ERC1: variants seen among roughly 807,000 people sequenced by gnomAD.
ERC1 encodes the protein ELKS/RAB6-interacting/CAST family member 1.
A neutral mutation model predicts 132.0 loss-of-function variants in ERC1; 56 were observed. That is an observed-to-expected ratio of 0.42 (90% CI 0.34 to 0.53). ERC1 has a LOEUF of 0.53. ERC1 is among the 20% of genes least tolerant of loss of function. The pLI is 0.03. For synonymous variants in ERC1, 478 were observed against 476.1 expected (o/e 1.00, Z -0.05); for missense variants, 1,202 against 1,349.9 (o/e 0.89, Z 1.72).
chr12:1,032,763 T>C (rs1254743624), intron 2 of ERC1, among the ~76,000 whole-genome samples: 3 of 152,232 alleles, frequency 2.0e-5, no homozygotes, highest in Non-Finnish European at 1.5e-5. Context: ...CTTTAGTTTT[T>C]AATTTGCATT....
intron 8 of ERC1, among the ~76,000 whole-genome samples, chr12:1,168,474 C>G (rs1382083632): frequency 7.0e-6 from 1 of 143,184 alleles, no homozygotes; most frequent in African/African-American, 2.6e-5. Flanking sequence ...AATGAAGTGA[C>G]TGGTCTTTTT....
chr12:1,324,273 G>T (rs1048187323), intron 15 of ERC1, among the ~76,000 whole-genome samples: 17 of 152,188 alleles, frequency 1.1e-4, no homozygotes, highest in African/African-American at 3.1e-4. Context: ...GCAGCTGACA[G>T]ACCTACTGAT....
intron 17 of ERC1, among the ~76,000 whole-genome samples, chr12:1,442,182 C>T (rs1362042377): frequency 6.6e-6 from 1 of 152,234 alleles, no homozygotes; most frequent in Non-Finnish European, 1.5e-5. Flanking sequence ...CCCACCTTGG[C>T]CTCCCAAAGT....
At chr12:1,490,055 T>A (rs2094302494) in intron 18 of ERC1, 38 bp from the exon 19 acceptor site, 2 of 1,603,080 alleles carry the variant, frequency 1.2e-6, no homozygotes, top group Admixed American at 3.3e-5. Flanking sequence ...GCAAATGGGA[T>A]TGTTGTATCT....
At chr12:1,004,616 A>G in intron 1 of ERC1, among the ~76,000 whole-genome samples, 1 of 151,896 alleles carries the variant, frequency 6.6e-6, no homozygotes, top group Non-Finnish European at 1.5e-5. Flanking sequence ...CGTGTTGGCC[A>G]GGCTGGTCTC....
chr12:1,451,193 T>G (rs1025121132), intron 18 of ERC1, among the ~76,000 whole-genome samples: 1 of 152,214 alleles, frequency 6.6e-6, no homozygotes, highest in African/African-American at 2.4e-5. Flanking sequence ...TTTTAATCAT[T>G]TATATTTTAT....
chr12:1,082,732 T>C (rs7298929), intron 2 of ERC1, among the ~76,000 whole-genome samples: 28,741 of 151,700 alleles, frequency 0.19, 3,446 homozygotes, highest in Non-Finnish European at 0.25. Flanking sequence ...TCAGCTGATT[T>C]GCCCACCTTG....
rs67654163 is a variant in ERC1 at position 1,017,495 on chromosome 12, A to ATTTT, written c.-156-10236_-156-10233dup. ...GCAGAGATTTAAATGTTGTTCTGGTATTTTTTTTTTTTTTTTTTTTGAGAC... is the reference window on the plus strand; with the variant it reads ...GCAGAGATTTAAATGTTGTTCTGGTATTTTTTTTTTTTTTTTTTTTTTTTGAGAC... On this transcript the variant is annotated intron_variant, in intron 1 of 18. Transcript: ENST00000360905. Among the ~76,000 whole-genome samples the ATTTT allele has an allele frequency of 1.3e-3, 168 of 124,900 alleles. 1 individual carries two copies. The highest frequency in any genetic ancestry group is 2.2e-3 in the Non-Finnish European group (131 of 59,664). 81.9% of individuals were successfully genotyped at this position (124,900 alleles called of 152,430 possible). A position where few individuals can be genotyped will look rare whatever the true frequency, so the allele number is the denominator to read the frequency against.
At chr12:1,340,454 C>T (rs2083725047) in intron 15 of ERC1, among the ~76,000 whole-genome samples, 1 of 152,142 alleles carries the variant, frequency 6.6e-6, no homozygotes, top group African/African-American at 2.4e-5. Flanking sequence ...AGCAGCTCTC[C>T]CTGCCAAATC....
At chr12:1,330,695 A>G (rs1696744322) in intron 15 of ERC1, among the ~76,000 whole-genome samples, 1 of 152,044 alleles carries the variant, frequency 6.6e-6, no homozygotes, top group Non-Finnish European at 1.5e-5. Flanking sequence ...ATGCAGCCAT[A>G]TCTTAAAGTT....
chr12:1,284,265 CGTGTGT>C (rs71055142), intron 14 of ERC1, among the ~76,000 whole-genome samples: 3,430 of 140,148 alleles, frequency 0.024, 43 homozygotes, highest in South Asian at 0.035. Flanking sequence ...GAATAGTATT[CGTGTGT>C]GTGTGTGTGT....
chr12:1,331,814 A>G (rs1051466121), intron 15 of ERC1, among the ~76,000 whole-genome samples: 6 of 152,112 alleles, frequency 3.9e-5, no homozygotes, highest in Non-Finnish European at 8.8e-5. Context: ...TGTTCCATTT[A>G]TGCACCACAC....
chr12:1,005,790 A>G (rs983250660), intron 1 of ERC1, among the ~76,000 whole-genome samples: 1 of 152,148 alleles, frequency 6.6e-6, no homozygotes, highest in African/African-American at 2.4e-5. Context: ...GTATAATGAT[A>G]TTATATTTCT....
At chr12:1,156,622 C>T (rs1395798591) in intron 8 of ERC1, among the ~76,000 whole-genome samples, 2 of 152,164 alleles carry the variant, frequency 1.3e-5, no homozygotes, top group Non-Finnish European at 2.9e-5. Context: ...ATGTCGATAG[C>T]TGTTTAATTA....
At chr12:1,178,700 G>A (rs1259255382) in intron 8 of ERC1, among the ~76,000 whole-genome samples, 8 of 152,178 alleles carry the variant, frequency 5.3e-5, no homozygotes, top group Admixed American at 2.0e-4. Flanking sequence ...AAATCAGGTA[G>A]TTCTAGTATC....
intron 8 of ERC1, among the ~76,000 whole-genome samples, chr12:1,179,061 A>T (rs1859449): frequency 0.38 from 58,029 of 151,982 alleles, 12,146 homozygotes; most frequent in African/African-American, 0.55. Context: ...TTGATTTTTT[A>T]ATTATACTTG....
At chr12:1,297,539 A>C (rs1017637586) in intron 15 of ERC1, among the ~76,000 whole-genome samples, 2 of 48,804 alleles carry the variant, frequency 4.1e-5, no homozygotes, top group Non-Finnish European at 8.6e-5. Flanking sequence ...CTGTTTCTAC[A>C]AAAAAAAAAA....
intron 14 of ERC1, among the ~76,000 whole-genome samples, chr12:1,284,856 C>G (rs73595955): frequency 0.029 from 4,396 of 152,234 alleles, 219 homozygotes; most frequent in African/African-American, 0.1. Context: ...CACTCTGTGG[C>G]CTAGGCTGGC....
intron 15 of ERC1, among the ~76,000 whole-genome samples, chr12:1,291,563 T>C (rs1566501353): frequency 6.6e-6 from 1 of 152,144 alleles, no homozygotes; most frequent in African/African-American, 2.4e-5. Flanking sequence ...GACTGAAACA[T>C]GCGTATGTGT....
Sources: gnomAD v4.1 joint callset for allele counts (sites outside exome capture counted in the v4.1 genomes callset) on GRCh38, gnomAD v4.1.1 for gene constraint, MANE v1.5 for transcripts, NCBI Gene and HGNC (gene_info 2026-07-23, HGNC 2026-07-21) for gene names.